Variants in CSMD1 observed in about 807,000 individuals in gnomAD.
CSMD1 encodes the protein CUB and Sushi multiple domains 1, also known as CUB and sushi domain-containing protein 1.
A neutral mutation model predicts 417.5 loss-of-function variants in CSMD1; 213 were observed. The observed-to-expected ratio is 0.51, with a 90% CI of 0.46 to 0.57. The LOEUF (loss-of-function observed/expected upper bound fraction) is 0.57. Among genes scored for constraint, CSMD1 ranks in the 20% least tolerant of loss-of-function variants. The probability of loss-of-function intolerance (pLI) is 0.00; values close to 1 mark genes in which losing one functional copy is unlikely to be tolerated. For missense variants in CSMD1, 6,923 were observed against 4,529.7 expected (o/e 1.53, Z -15.17); for synonymous variants, 2,862 against 1,736.8 (o/e 1.65, Z -16.11).
At chr8:3,905,338 A>G (rs1157313395) in intron 5 of CSMD1, among the ~76,000 whole-genome samples, 1 of 152,216 alleles carries the variant, frequency 6.6e-6, no homozygotes, top group Middle Eastern at 3.2e-3. Context: ...TAAATCCAAC[A>G]TAAAAGTTGA....
chr8:4,464,484 G>C (rs555384951), intron 2 of CSMD1, among the ~76,000 whole-genome samples: 15 of 152,142 alleles, frequency 9.9e-5, no homozygotes, highest in South Asian at 2.1e-4. Context: ...CTAAGTCAAA[G>C]CTTATTTTAT....
chr8:4,956,404 T>TC (rs1809115482), intron 1 of CSMD1, among the ~76,000 whole-genome samples: 1 of 149,910 alleles, frequency 6.7e-6, no homozygotes, highest in Non-Finnish European at 1.5e-5. Context: ...ACATACATTT[T>TC]CAAGATATTA....
At chr8:3,956,333 C>G (rs1277540793) in intron 5 of CSMD1, among the ~76,000 whole-genome samples, 2 of 152,150 alleles carry the variant, frequency 1.3e-5, no homozygotes, top group Non-Finnish European at 2.9e-5. Flanking sequence ...GAAACTGAAT[C>G]AGCAAGATGT....
rs188823979 is a variant in CSMD1, at chr8:3,542,790, G to T, written c.1344+32155C>A. On this transcript the variant is annotated intron_variant, in intron 10 of 69. Coordinates refer to ENST00000635120, the MANE Select transcript of CSMD1 (RefSeq NM_033225.6). ...TCTCTTCCAGTCTTTCCCCAGGACAGGATATCCTTCGATGCTTTAGCTAAG... is the reference window on the plus strand; with the variant it reads ...TCTCTTCCAGTCTTTCCCCAGGACATGATATCCTTCGATGCTTTAGCTAAG... Among the ~76,000 whole-genome samples, 10 of 152,328 alleles carry T rather than the reference G, an allele frequency of 6.6e-5. No individual in the cohort carries two copies. In the East Asian group the frequency reaches 1.7e-3, roughly 26 times the overall value.
At chr8:4,565,910 G>C (rs1481372610) in intron 2 of CSMD1, among the ~76,000 whole-genome samples, 1 of 150,908 alleles carries the variant, frequency 6.6e-6, no homozygotes, top group African/African-American at 2.4e-5. Context: ...TAGAAATAAT[G>C]TTTTTGTTTC....
At chr8:4,372,705 A>G (rs1368020399) in intron 3 of CSMD1, among the ~76,000 whole-genome samples, 3 of 151,752 alleles carry the variant, frequency 2.0e-5, no homozygotes, top group Non-Finnish European at 4.4e-5. Flanking sequence ...TAGCTAACTG[A>G]AAGAGTTCTC....
chr8:4,990,521 G>A (rs973949037), intron 1 of CSMD1, among the ~76,000 whole-genome samples: 3 of 152,026 alleles, frequency 2.0e-5, no homozygotes, highest in Non-Finnish European at 4.4e-5. Flanking sequence ...GCGCCACCAC[G>A]CCCAGCTAAT....
chr8:3,731,248 C>T (rs756114345), intron 6 of CSMD1, among the ~76,000 whole-genome samples: 12 of 152,174 alleles, frequency 7.9e-5, no homozygotes, highest in South Asian at 4.1e-4. Flanking sequence ...CAAACAATGA[C>T]GTGCATTCTA....
intron 1 of CSMD1, among the ~76,000 whole-genome samples, chr8:4,735,364 G>A (rs576746748): frequency 6.6e-6 from 1 of 152,252 alleles, no homozygotes; most frequent in South Asian, 2.1e-4. Context: ...CTGTTGCCAA[G>A]CCCATTGTCT....
At chr8:4,687,717 TCCCCTTTCCACA>T (rs1253273043) in intron 1 of CSMD1, among the ~76,000 whole-genome samples, 1 of 152,126 alleles carries the variant, frequency 6.6e-6, no homozygotes, top group East Asian at 1.9e-4. Flanking sequence ...AAGAGTCACC[TCCCCTTTCCACA>T]CTAGGTTCTT....
At chr8:3,774,368 G>A (rs1396983803) in intron 5 of CSMD1, among the ~76,000 whole-genome samples, 3 of 152,106 alleles carry the variant, frequency 2.0e-5, no homozygotes, top group Non-Finnish European at 4.4e-5. Context: ...TTGGATGTCT[G>A]TCATCTCCCC....
intron 1 of CSMD1, among the ~76,000 whole-genome samples, chr8:4,650,294 T>G (rs2724993): frequency 0.66 from 96,140 of 145,762 alleles, 31,658 homozygotes; most frequent in East Asian, 0.73. Context: ...GCAGTGAGCC[T>G]AGATGGTGCC....
chr8:3,096,496 C>T (rs1402851531), intron 47 of CSMD1, among the ~76,000 whole-genome samples: 1 of 152,152 alleles, frequency 6.6e-6, no homozygotes, highest in Non-Finnish European at 1.5e-5. Flanking sequence ...TGCCTGCCGT[C>T]ATCCATGTAA....
At chr8:3,698,088 A>G (rs1360120153) in intron 7 of CSMD1, among the ~76,000 whole-genome samples, 1 of 152,176 alleles carries the variant, frequency 6.6e-6, no homozygotes, top group Non-Finnish European at 1.5e-5. Flanking sequence ...AAACGGTATG[A>G]TGAATAATTG....
In CSMD1 at chr8:3,790,024, C is replaced by T. The variant is rs111475534; in HGVS notation, c.819-35982G>A. 9.5e-3 allele frequency among the ~76,000 whole-genome samples: 1,449 copies of T among 152,278 alleles called. 9 individuals carry two copies. The highest frequency in any genetic ancestry group is 0.024 in the Middle Eastern group (7 of 294). ...GGGATTACAGGCGTAAGCCACCATG[C>T]CCGGCCGATCATGGTTAATATTAAT... On this transcript the variant is annotated intron_variant, in intron 5 of 69. Transcript: ENST00000635120.
At chr8:4,170,474 C>G (rs12155719) in intron 3 of CSMD1, among the ~76,000 whole-genome samples, 11,192 of 151,896 alleles carry the variant, frequency 0.074, 547 homozygotes, top group Middle Eastern at 0.18. Context: ...GGTGCCTCTA[C>G]TTCCTTCTGA....
At chr8:3,904,373 A>C (rs923310105) in intron 5 of CSMD1, among the ~76,000 whole-genome samples, 2 of 152,106 alleles carry the variant, frequency 1.3e-5, no homozygotes, top group Non-Finnish European at 2.9e-5. Context: ...CTAACTCTTT[A>C]TTGCAATGGA....
chr8:4,749,437 G>A (rs1323460776), intron 1 of CSMD1, among the ~76,000 whole-genome samples: 2 of 152,264 alleles, frequency 1.3e-5, no homozygotes, highest in East Asian at 3.9e-4. Context: ...ATTGCCGTTT[G>A]GCCATGGAAA....
chr8:3,530,793 T>C (rs1251470652), intron 10 of CSMD1, among the ~76,000 whole-genome samples: 1 of 151,706 alleles, frequency 6.6e-6, no homozygotes, highest in African/African-American at 2.4e-5. Context: ...CCTCCCAAAG[T>C]GCTACTATTA....
Sources: gnomAD v4.1 joint callset for allele counts (sites outside exome capture counted in the v4.1 genomes callset) on GRCh38, gnomAD v4.1.1 for gene constraint, MANE v1.5 for transcripts, NCBI Gene and HGNC (gene_info 2026-07-23, HGNC 2026-07-21) for gene names.